The following ANO10 variants were observed in gnomAD, a reference collection of about 807,000 sequenced individuals.
The protein encoded by ANO10 is anoctamin-10.
In ANO10, 77 loss-of-function variants were observed where a neutral mutation model predicts 74.7. The ratio of observed to expected loss-of-function variants is 1.03; its 90% CI spans 0.86 to 1.25. The LOEUF (loss-of-function observed/expected upper bound fraction) is 1.25. ANO10 is among the 50% of genes most tolerant of loss of function. The pLI is 0.00. For synonymous variants in ANO10, 279 were observed against 284.9 expected (o/e 0.98, Z 0.21); for missense variants, 721 against 778.1 (o/e 0.93, Z 0.87).
chr3:43,546,211 G>T (rs182140827), intron 11 of ANO10, among the ~76,000 whole-genome samples: 9 of 152,154 alleles, frequency 5.9e-5, no homozygotes, highest in Non-Finnish European at 1.2e-4. Flanking sequence ...ACTTCTGATC[G>T]ATAGTTAACA....
chr3:43,501,532 G>T (rs1432058684), intron 11 of ANO10, among the ~76,000 whole-genome samples: 2 of 152,120 alleles, frequency 1.3e-5, no homozygotes, highest in Non-Finnish European at 2.9e-5. Context: ...AGTGAAGGGG[G>T]TCTGAGAAAT....
chr3:43,388,579 G>A (rs990866090), intron 12 of ANO10, among the ~76,000 whole-genome samples: 1 of 152,016 alleles, frequency 6.6e-6, no homozygotes, highest in African/African-American at 2.4e-5. Context: ...ATCACCTAAT[G>A]GATATTAAAA....
rs1310602952 is a variant in ANO10, at chr3:43,598,424, A to G, written c.472+108T>C. On this transcript the variant is annotated intron_variant, in intron 4 of 12. Transcript: ENST00000292246. ...AGGGAAAAGATATGTTCATAAAAAT[A>G]CAAGTTATTGTAAGTTTGTGTAAGT... The G allele has an allele frequency of 4.3e-5, 47 of 1,091,326 alleles. No homozygotes were observed. In the East Asian group the frequency reaches 1.2e-3, roughly 27 times the overall value. The allele number at this position is 1,091,326 out of a possible 1,614,324, so 67.6% of individuals were successfully genotyped here.
At chr3:43,483,026 CT>C (rs2076331943) in intron 11 of ANO10, among the ~76,000 whole-genome samples, 1 of 152,200 alleles carries the variant, frequency 6.6e-6, no homozygotes, top group African/African-American at 2.4e-5. Flanking sequence ...AAATTTGTCT[CT>C]TAAAAGATTC....
At chr3:43,638,888 C>G (rs527953834) in intron 1 of ANO10, 3 of 152,396 alleles carry the variant, frequency 2.0e-5, no homozygotes, top group African/African-American at 7.2e-5. Flanking sequence ...AGTGGCTTAG[C>G]TGAGTGGTTC....
In ANO10 at chr3:43,519,817, T is replaced by C. The variant is rs1365202898; in HGVS notation, c.1797+29903A>G. ...AGCAAGATTGCTGTGAAGTTAACTT[T>C]GTTGGCTGAACTTTACATTTTTCTT... On this transcript the variant is annotated intron_variant, in intron 11 of 12. Coordinates refer to ENST00000292246, the MANE Select transcript of ANO10 (RefSeq NM_018075.5). Among the ~76,000 whole-genome samples the C allele has an allele frequency of 3.9e-5, 6 of 152,272 alleles. No homozygotes were observed. The South Asian group carries it at 8.3e-4, about 21-fold the overall frequency.
chr3:43,529,538 A>C (rs2078363616), intron 11 of ANO10, among the ~76,000 whole-genome samples: 1 of 152,206 alleles, frequency 6.6e-6, no homozygotes, highest in Non-Finnish European at 1.5e-5. Context: ...GGAAAAGGAA[A>C]ACTTTGGCAA....
intron 4 of ANO10, among the ~76,000 whole-genome samples, chr3:43,582,829 T>C (rs2081322633): frequency 1.3e-5 from 2 of 152,214 alleles, no homozygotes; most frequent in South Asian, 4.1e-4. Flanking sequence ...CATTTTTTAA[T>C]ATTTTAATTC....
At chr3:43,382,236 C>G (rs961107766) in intron 12 of ANO10, among the ~76,000 whole-genome samples, 1 of 152,036 alleles carries the variant, frequency 6.6e-6, no homozygotes, top group African/African-American at 2.4e-5. Flanking sequence ...TAACCAAGAT[C>G]AGGCCGGGCG....
intron 11 of ANO10, among the ~76,000 whole-genome samples, chr3:43,476,045 A>T (rs1379650386): frequency 6.6e-6 from 1 of 152,110 alleles, no homozygotes; most frequent in Non-Finnish European, 1.5e-5. Context: ...CCATTATCTC[A>T]TATTTATTCT....
At chr3:43,565,989 G>C (rs1050696335) in intron 7 of ANO10, among the ~76,000 whole-genome samples, 2 of 152,144 alleles carry the variant, frequency 1.3e-5, no homozygotes, top group African/African-American at 4.8e-5. Context: ...CACCGTGTGC[G>C]AGCCGAAGCA....
At chr3:43,423,455 G>A (rs1004675680) in intron 12 of ANO10, among the ~76,000 whole-genome samples, 2 of 152,184 alleles carry the variant, frequency 1.3e-5, no homozygotes, top group Non-Finnish European at 2.9e-5. Flanking sequence ...GGCCCTCGGG[G>A]ACCTCGCAGC....
intron 9 of ANO10, among the ~76,000 whole-genome samples, chr3:43,561,017 G>A (rs143359654): frequency 1.4e-4 from 22 of 152,268 alleles, no homozygotes; most frequent in African/African-American, 4.6e-4. Flanking sequence ...GTCATTATGC[G>A]TAACTTTAGA....
At chr3:43,581,896 G>A (rs1220266759) in intron 4 of ANO10, among the ~76,000 whole-genome samples, 2 of 150,548 alleles carry the variant, frequency 1.3e-5, no homozygotes, top group Non-Finnish European at 3.0e-5. Context: ...ACTGCAGTCC[G>A]GCCTGGGCAA....
chr3:43,653,927 GTTTTTT>G (rs5848668), intron 1 of ANO10, among the ~76,000 whole-genome samples: 1 of 145,118 alleles, frequency 6.9e-6, no homozygotes, highest in Non-Finnish European at 1.5e-5. Context: ...GTTTGCTGGG[GTTTTTT>G]TTTTTTTTGC....
chr3:43,496,177 T>C (rs1350526780), intron 11 of ANO10, among the ~76,000 whole-genome samples: 5 of 152,156 alleles, frequency 3.3e-5, no homozygotes, highest in Middle Eastern at 3.2e-3. Context: ...AAAAAGGGTA[T>C]GTGTATAGAA....
intron 11 of ANO10, among the ~76,000 whole-genome samples, chr3:43,530,168 A>T (rs894203519): frequency 2.6e-5 from 4 of 152,056 alleles, no homozygotes; most frequent in African/African-American, 9.7e-5. Context: ...TATTTTTATA[A>T]CCTCAAAGAT....
intron 7 of ANO10, among the ~76,000 whole-genome samples, chr3:43,568,017 A>T (rs2080468555): frequency 6.6e-6 from 1 of 151,792 alleles, no homozygotes; most frequent in Non-Finnish European, 1.5e-5. Context: ...AAACAAAAAA[A>T]GGCAGGGGTT....
At chr3:43,675,043 A>G (rs1250785214) in intron 1 of ANO10, among the ~76,000 whole-genome samples, 1 of 152,228 alleles carries the variant, frequency 6.6e-6, no homozygotes, top group Non-Finnish European at 1.5e-5. Flanking sequence ...TAACCTGAAA[A>G]ATATCGATCA....
Sources: gnomAD v4.1 joint callset for allele counts (sites outside exome capture counted in the v4.1 genomes callset) on GRCh38, gnomAD v4.1.1 for gene constraint, MANE v1.5 for transcripts, NCBI Gene and HGNC (gene_info 2026-07-23, HGNC 2026-07-21) for gene names.